RGS6: variants seen among roughly 807,000 people sequenced by gnomAD.
RGS6 encodes regulator of G protein signaling 6.
Under a neutral mutation model 78.5 loss-of-function variants are expected in RGS6, and 30 were observed. That is an observed-to-expected ratio of 0.38 (90% confidence interval 0.29 to 0.52). The LOEUF (loss-of-function observed/expected upper bound fraction) is 0.52. Ranked by LOEUF, RGS6 falls within the 20% of genes least tolerant of loss-of-function variation. RGS6 has a pLI of 0.85. For synonymous variants in RGS6, 206 were observed against 206.0 expected, an observed-to-expected ratio of 1.00 and a Z score of 0.00; for missense variants, 495 against 609.7, an observed-to-expected ratio of 0.81 and a Z score of 1.98.
the RGS6 span, chr14:72,612,430 C>CTT: frequency 6.0e-5 from 25 of 419,162 alleles, no homozygotes; most frequent in South Asian, 7.5e-5. Context: ...TGTTTCTGTC[C>CTT]TTTTTTTTTT....
chr14:72,321,255 A>G (rs2071922483), intron 2 of RGS6, among the ~76,000 whole-genome samples: 1 of 152,022 alleles, frequency 6.6e-6, no homozygotes, highest in Non-Finnish European at 1.5e-5. Context: ...AAATAGCACA[A>G]GGAATACTCA....
chr14:72,498,050 A>T (rs181698496), intron 13 of RGS6, among the ~76,000 whole-genome samples: 1 of 152,062 alleles, frequency 6.6e-6, no homozygotes, highest in African/African-American at 2.4e-5. Flanking sequence ...ACTGGTGTCC[A>T]TTCTGTGATT....
chr14:72,398,397 A>G (rs1053876337), intron 3 of RGS6, among the ~76,000 whole-genome samples: 2 of 152,154 alleles, frequency 1.3e-5, no homozygotes, highest in African/African-American at 4.8e-5. Flanking sequence ...CAGTGGTGAT[A>G]TCCCCTTTAT....
At chr14:72,192,138 G>C (rs1043164964) in intron 2 of RGS6, among the ~76,000 whole-genome samples, 1 of 152,160 alleles carries the variant, frequency 6.6e-6, no homozygotes. Flanking sequence ...AGTCATCACT[G>C]AACAGTTAAT....
intron 2 of RGS6, among the ~76,000 whole-genome samples, chr14:72,109,831 A>G (rs1317764428): frequency 6.6e-6 from 1 of 152,210 alleles, no homozygotes; most frequent in Non-Finnish European, 1.5e-5. Context: ...TACACACAGA[A>G]GACCTCAGAT....
intron 2 of RGS6, among the ~76,000 whole-genome samples, chr14:72,295,204 T>G (rs1595445992): frequency 2.8e-5 from 4 of 143,342 alleles, no homozygotes; most frequent in African/African-American, 2.6e-5. Flanking sequence ...GGCAGGAGAA[T>G]GGCGTGAACC....
intron 2 of RGS6, among the ~76,000 whole-genome samples, chr14:72,009,665 A>G (rs1008181385): frequency 6.6e-6 from 1 of 152,194 alleles, no homozygotes; most frequent in Non-Finnish European, 1.5e-5. Context: ...AGAGCTCCTG[A>G]GCTAGGAGCA....
chr14:72,408,950 T>A (rs2093174206), intron 3 of RGS6, among the ~76,000 whole-genome samples: 1 of 152,190 alleles, frequency 6.6e-6, no homozygotes, highest in Non-Finnish European at 1.5e-5. Flanking sequence ...TGGAAATAAT[T>A]CTGTAGCAGA....
intron 2 of RGS6, among the ~76,000 whole-genome samples, chr14:72,027,787 T>C (rs1355456898): frequency 6.6e-6 from 1 of 152,196 alleles, no homozygotes; most frequent in Non-Finnish European, 1.5e-5. Context: ...TCTGCATTTG[T>C]CAGTTATGAT....
chr14:72,484,589 G>A (rs569584745), intron 12 of RGS6, among the ~76,000 whole-genome samples: 1 of 152,118 alleles, frequency 6.6e-6, no homozygotes, highest in African/African-American at 2.4e-5. Flanking sequence ...TAAGTCTTTT[G>A]TTAAGAGAGA....
At chr14:72,248,139 G>A (rs374868250) in intron 2 of RGS6, among the ~76,000 whole-genome samples, 5 of 152,122 alleles carry the variant, frequency 3.3e-5, no homozygotes, top group South Asian at 4.2e-4. Context: ...CCTTTCCAGG[G>A]GTTCTGTAAG....
intron 2 of RGS6, among the ~76,000 whole-genome samples, chr14:72,214,999 C>T (rs1013543825): frequency 6.6e-6 from 1 of 152,190 alleles, no homozygotes; most frequent in Non-Finnish European, 1.5e-5. Context: ...CTCTGTTATT[C>T]TATTTTCTGG....
intron 8 of RGS6, among the ~76,000 whole-genome samples, chr14:72,471,972 G>T (rs1047667707): frequency 1.6e-4 from 24 of 152,068 alleles, no homozygotes; most frequent in Admixed American, 5.2e-4. Flanking sequence ...TAACTTTTTT[G>T]ATTAACTCTG....
intron 3 of RGS6, among the ~76,000 whole-genome samples, chr14:72,423,225 A>G (rs899761154): frequency 3.3e-5 from 5 of 152,174 alleles, no homozygotes; most frequent in Non-Finnish European, 1.5e-5. Context: ...GCCACAGACA[A>G]AGTCGTGAAA....
At chr14:72,257,800 T>A (rs184856577) in intron 2 of RGS6, among the ~76,000 whole-genome samples, 164 of 152,246 alleles carry the variant, frequency 1.1e-3, no homozygotes, top group Non-Finnish European at 1.6e-3. Context: ...CCAGGGCAAG[T>A]CCACAAGCCT....
intron 2 of RGS6, among the ~76,000 whole-genome samples, chr14:72,136,658 G>A (rs759142895): frequency 4.6e-5 from 7 of 152,148 alleles, no homozygotes; most frequent in Non-Finnish European, 8.8e-5. Flanking sequence ...CACAAGACGT[G>A]GGAATTATGA....
At chr14:72,562,060 G>A (rs377052570) in intron 17 of RGS6, among the ~76,000 whole-genome samples, 4 of 152,088 alleles carry the variant, frequency 2.6e-5, no homozygotes, top group East Asian at 1.9e-4. Context: ...CCTCCCCCAC[G>A]TGAACAAAAT....
intron 3 of RGS6, among the ~76,000 whole-genome samples, chr14:72,420,509 T>C (rs917613158): frequency 6.6e-6 from 1 of 152,242 alleles, no homozygotes; most frequent in African/African-American, 2.4e-5. Context: ...GTATGATTCC[T>C]GTTCCCTTCA....
At chr14:72,192,645 G>A (rs978857361) in intron 2 of RGS6, among the ~76,000 whole-genome samples, 13 of 152,242 alleles carry the variant, frequency 8.5e-5, no homozygotes, top group Non-Finnish European at 1.2e-4. Context: ...CTATTTGCAC[G>A]TCTCTGCTCT....
Sources: allele counts gnomAD v4.1 joint callset (sites outside exome capture counted in the v4.1 genomes callset), GRCh38; gene constraint gnomAD v4.1.1; transcripts MANE v1.5; gene names NCBI Gene and HGNC (gene_info 2026-07-23, HGNC 2026-07-21).